Variants in CSMD1 observed in about 807,000 individuals in gnomAD.
CSMD1 encodes the protein CUB and sushi domain-containing protein 1.
CSMD1 carries 213 observed loss-of-function variants against 417.5 expected under a neutral mutation model. The observed-to-expected ratio is 0.51, with a 90% confidence interval of 0.46 to 0.57. The LOEUF (loss-of-function observed/expected upper bound fraction) is 0.57, where lower values mean the gene tolerates loss of function less well. CSMD1 is among the 20% of genes least tolerant of loss of function. The pLI is 0.00. For synonymous variants in CSMD1, 2,862 were observed against 1,736.8 expected (o/e 1.65, Z -16.11); for missense variants, 6,923 against 4,529.7 (o/e 1.53, Z -15.17).
chr8:3,027,026 C>G (rs1300499047), intron 51 of CSMD1, among the ~76,000 whole-genome samples: 2 of 152,046 alleles, frequency 1.3e-5, no homozygotes, highest in African/African-American at 4.8e-5. Flanking sequence ...AACAAAAAGT[C>G]ACACACTACG....
At chr8:4,366,361 T>C (rs73508664) in intron 3 of CSMD1, among the ~76,000 whole-genome samples, 6,914 of 152,274 alleles carry the variant, frequency 0.045, 387 homozygotes, top group African/African-American at 0.13. Context: ...TCCACGTGTT[T>C]ACCATTGAGA....
intron 6 of CSMD1, among the ~76,000 whole-genome samples, chr8:3,725,451 C>T (rs1362272630): frequency 6.6e-6 from 1 of 152,116 alleles, no homozygotes; most frequent in African/African-American, 2.4e-5. Flanking sequence ...CTGAAGGCGA[C>T]TGTGGGGCCA....
chr8:3,545,187 G>C (rs1305138254), intron 10 of CSMD1, among the ~76,000 whole-genome samples: 2 of 152,180 alleles, frequency 1.3e-5, no homozygotes, highest in African/African-American at 4.8e-5. Context: ...TTAGCAAAGA[G>C]CAGGAGGTAG....
chr8:3,568,226 T>G (rs1354993782), intron 10 of CSMD1, among the ~76,000 whole-genome samples: 2 of 152,150 alleles, frequency 1.3e-5, no homozygotes, highest in Admixed American at 1.3e-4. Flanking sequence ...GATGTTTGAG[T>G]ATTTATTTCC....
chr8:4,492,868 A>G (rs1801777440), intron 2 of CSMD1, among the ~76,000 whole-genome samples: 1 of 152,230 alleles, frequency 6.6e-6, no homozygotes, highest in African/African-American at 2.4e-5. Flanking sequence ...AACATGCTTG[A>G]AAAATACATT....
At chr8:3,875,411 A>C (rs1253081864) in intron 5 of CSMD1, among the ~76,000 whole-genome samples, 2 of 152,084 alleles carry the variant, frequency 1.3e-5, no homozygotes, top group Non-Finnish European at 2.9e-5. Flanking sequence ...GAAGTTATGG[A>C]TTGGAGGAGT....
At chr8:3,477,514 A>T (rs13250793) in intron 11 of CSMD1, among the ~76,000 whole-genome samples, 4 of 151,928 alleles carry the variant, frequency 2.6e-5, no homozygotes, top group Non-Finnish European at 5.9e-5. Context: ...AGTAAAGACA[A>T]GGTACTATCT....
intron 1 of CSMD1, among the ~76,000 whole-genome samples, chr8:4,922,468 T>C (rs1284460461): frequency 6.6e-6 from 1 of 152,224 alleles, no homozygotes; most frequent in Admixed American, 6.5e-5. Flanking sequence ...AACTTGATAT[T>C]ATCACTTTTA....
At chr8:4,355,335 ACACG>A (rs1428790127) in intron 3 of CSMD1, among the ~76,000 whole-genome samples, 6 of 151,704 alleles carry the variant, frequency 4.0e-5, no homozygotes, top group African/African-American at 4.8e-5. Flanking sequence ...GCACACACAC[ACACG>A]TATATATGAT....
rs529622125 is a variant in CSMD1 at position 3,791,516 on chromosome 8, T to C, written c.819-37474A>G. Among the ~76,000 whole-genome samples, 4 of 152,210 alleles carry C rather than the reference T, an allele frequency of 2.6e-5. No individual in the cohort carries two copies. In the South Asian group the frequency reaches 6.2e-4, roughly 24 times the overall value. ...AAAAGTCATCTCTACAACAAGGGTA[T>C]GGACAATTTTAAAATTACCTTAACA... On this transcript the variant is annotated intron_variant, in intron 5 of 69. Coordinates refer to ENST00000635120, the MANE Select transcript of CSMD1 (RefSeq NM_033225.6).
intron 30 of CSMD1, among the ~76,000 whole-genome samples, chr8:3,212,430 C>A (rs1797665940): frequency 6.6e-6 from 1 of 152,246 alleles, no homozygotes; most frequent in South Asian, 2.1e-4. Context: ...CTCACTGAAA[C>A]CTTCACCTAC....
chr8:4,052,814 G>A (rs376226178), intron 3 of CSMD1, among the ~76,000 whole-genome samples: 1 of 152,106 alleles, frequency 6.6e-6, no homozygotes, highest in African/African-American at 2.4e-5. Flanking sequence ...CTCTAACTGT[G>A]CAGATTTGGG....
chr8:3,398,532 A>G (rs2116863529), intron 16 of CSMD1, among the ~76,000 whole-genome samples: 1 of 152,326 alleles, frequency 6.6e-6, no homozygotes, highest in South Asian at 2.1e-4. Context: ...AAACAAAAAG[A>G]TAATAATACA....
chr8:4,239,882 T>A (rs1326754328), intron 3 of CSMD1, among the ~76,000 whole-genome samples: 1 of 152,220 alleles, frequency 6.6e-6, no homozygotes, highest in South Asian at 2.1e-4. Flanking sequence ...TCCTTATCCT[T>A]TGCAGCATTA....
rs181159321 is a variant in CSMD1, at chr8:3,294,988, A to G, written c.3951-10642T>C. Reference sequence around the variant, plus strand: ...CTCCACCCATCCCATTTATATTTTTAGAAGCTTCATATGTGTGTGTATTTG... The same window carrying G: ...CTCCACCCATCCCATTTATATTTTTGGAAGCTTCATATGTGTGTGTATTTG... On this transcript the variant is annotated intron_variant, in intron 25 of 69. Transcript: ENST00000635120. Among the ~76,000 whole-genome samples the G allele has an allele frequency of 2.0e-3, 307 of 152,182 alleles. 2 individuals carry two copies. The highest frequency in any genetic ancestry group is 6.8e-3 in the African/African-American group (283 of 41,512).
rs140154383 is a variant in CSMD1 at position 4,043,263 on chromosome 8, G to C, written c.416-11164C>G. Among the ~76,000 whole-genome samples the C allele has an allele frequency of 7.0e-3, 1,061 of 152,142 alleles. 8 individuals carry two copies. Among genetic ancestry groups the C allele is most frequent in the Non-Finnish European group, 0.011 (724 of 68,010 alleles). ...TTACAGCTATTAGGCTAGCATAGGA[G>C]ATAAAACGAATCACAGAAAGTACCC... On this transcript the variant is annotated intron_variant, in intron 3 of 69. Coordinates refer to ENST00000635120, the MANE Select transcript of CSMD1 (RefSeq NM_033225.6).
At chr8:3,529,977 A>G (rs1056227388) in intron 10 of CSMD1, among the ~76,000 whole-genome samples, 1 of 152,116 alleles carries the variant, frequency 6.6e-6, no homozygotes, top group African/African-American at 2.4e-5. Context: ...GATGTGCCAT[A>G]TGTCATTTTT....
intron 7 of CSMD1, among the ~76,000 whole-genome samples, chr8:3,680,622 G>A (rs1230832825): frequency 6.6e-6 from 1 of 152,152 alleles, no homozygotes; most frequent in African/African-American, 2.4e-5. Flanking sequence ...AGAGGAGCAG[G>A]TACCATTCCT....
chr8:3,496,303 C>A (rs530561571), intron 10 of CSMD1, among the ~76,000 whole-genome samples: 8 of 152,262 alleles, frequency 5.3e-5, no homozygotes, highest in African/African-American at 1.9e-4. Flanking sequence ...CCTGTGTTGG[C>A]AGTTTTGGTT....
Sources: allele counts gnomAD v4.1 joint callset (sites outside exome capture counted in the v4.1 genomes callset), GRCh38; gene constraint gnomAD v4.1.1; transcripts MANE v1.5; gene names NCBI Gene and HGNC (gene_info 2026-07-23, HGNC 2026-07-21).